The following FABP6 variants were observed in gnomAD, a reference collection of about 807,000 sequenced individuals.
FABP6 encodes the protein fatty acid binding protein 6.
FABP6 carries 13 observed loss-of-function variants against 14.9 expected under a neutral mutation model. The ratio of observed to expected loss-of-function variants is 0.87; its 90% CI spans 0.57 to 1.39. FABP6 has a LOEUF of 1.39. Ranked by LOEUF, FABP6 falls within the 40% of genes most tolerant of loss-of-function variation. The pLI is 0.00. For missense variants in FABP6, 161 were observed against 167.2 expected, an observed-to-expected ratio of 0.96 and a Z score of 0.20; for synonymous variants, 75 against 63.6, an observed-to-expected ratio of 1.18 and a Z score of -0.85.
chr5:160,211,545 G>A (rs1224416688), intron 2 of FABP6, among the ~76,000 whole-genome samples: 2 of 152,164 alleles, frequency 1.3e-5, no homozygotes, highest in South Asian at 2.1e-4. Context: ...GACAGAGCCT[G>A]TAACTGTCCA....
intron 1 of FABP6, chr5:160,199,000 A>T: frequency 9.1e-7 from 1 of 1,099,094 alleles, no homozygotes; most frequent in Non-Finnish European, 1.4e-6. Context: ...GAACAATGAG[A>T]TGGTCTCCAG....
At chr5:160,221,368 G>A (rs2113121598) in intron 3 of FABP6, among the ~76,000 whole-genome samples, 1 of 152,188 alleles carries the variant, frequency 6.6e-6, no homozygotes, top group Admixed American at 6.6e-5. Context: ...CGGGGGTGAA[G>A]GACAATTAGA....
At chr5:160,234,703 A>C in intron 2 of FABP6, 117 bp from the exon 3 acceptor site, 1 of 610,740 alleles carries the variant, frequency 1.6e-6, no homozygotes, top group East Asian at 3.6e-5. Context: ...CTGGGATTAT[A>C]GGCATAAGCC....
At chr5:160,219,219 G>C (rs980714042) in intron 3 of FABP6, among the ~76,000 whole-genome samples, 3 of 152,060 alleles carry the variant, frequency 2.0e-5, no homozygotes. Context: ...GGGTGCCCAG[G>C]GCTCCTCCTC....
At chr5:160,192,428 T>A (rs552093389) in intron 1 of FABP6, among the ~76,000 whole-genome samples, 2 of 152,332 alleles carry the variant, frequency 1.3e-5, no homozygotes, top group South Asian at 4.1e-4. Flanking sequence ...CAAGGTTAGC[T>A]CCATTCCTGC....
At chr5:160,227,858 G>A (rs1028911406), upstream of FABP6, among the ~76,000 whole-genome samples, 4 of 151,492 alleles carry the variant, frequency 2.6e-5, no homozygotes, top group African/African-American at 9.7e-5. Flanking sequence ...GTGTCTGTCT[G>A]TCTGTCTGTC....
chr5:160,207,203 G>A (rs190332604), intron 2 of FABP6, among the ~76,000 whole-genome samples: 3 of 152,294 alleles, frequency 2.0e-5, no homozygotes, highest in Admixed American at 2.0e-4. Flanking sequence ...TAGGGAAATG[G>A]GCAAGGGCCA....
chr5:160,193,519 C>T (rs6861318), intron 1 of FABP6, among the ~76,000 whole-genome samples: 34,232 of 151,944 alleles, frequency 0.23, 3,905 homozygotes, highest in South Asian at 0.25. Flanking sequence ...TTGGTAGAGC[C>T]GAGTGGCCTG....
chr5:160,232,804 G>A (rs1319456190), intron 2 of FABP6, among the ~76,000 whole-genome samples: 2 of 151,882 alleles, frequency 1.3e-5, no homozygotes, highest in South Asian at 2.1e-4. Context: ...GGCTGAGGCA[G>A]GGGAATCGCT....
intron 2 of FABP6, among the ~76,000 whole-genome samples, chr5:160,201,283 A>G (rs2113077185): frequency 6.6e-6 from 1 of 152,088 alleles, no homozygotes; most frequent in Non-Finnish European, 1.5e-5. Flanking sequence ...ACTTGTGTCC[A>G]GGAGGTCGAG....
chr5:160,190,779 G>A (rs1471676959), intron 1 of FABP6, among the ~76,000 whole-genome samples: 5 of 152,110 alleles, frequency 3.3e-5, no homozygotes, highest in Non-Finnish European at 7.3e-5. Context: ...GGGCTAGAGG[G>A]AAACCATAGA....
upstream of FABP6, among the ~76,000 whole-genome samples, chr5:160,228,847 G>A (rs948693833): frequency 6.6e-6 from 1 of 151,782 alleles, no homozygotes; most frequent in Non-Finnish European, 1.5e-5. Flanking sequence ...CTGTTCCCTC[G>A]TCCTAGAATA....
At chr5:160,230,843 G>A (rs945846336) in intron 1 of FABP6, among the ~76,000 whole-genome samples, 1 of 152,204 alleles carries the variant, frequency 6.6e-6, no homozygotes, top group Non-Finnish European at 1.5e-5. Context: ...GACCAGGTTT[G>A]ACAAGTCACT....
upstream of FABP6, among the ~76,000 whole-genome samples, chr5:160,225,885 AAT>A (rs1760233745): frequency 6.6e-6 from 1 of 152,170 alleles, no homozygotes; most frequent in Non-Finnish European, 1.5e-5. Flanking sequence ...GAGAGTAGAA[AAT>A]ATAAGGCCGG....
intron 3 of FABP6, among the ~76,000 whole-genome samples, chr5:160,224,492 T>C (rs1001160703): frequency 6.6e-6 from 1 of 151,956 alleles, no homozygotes; most frequent in African/African-American, 2.4e-5. Context: ...AAAGGAGGAG[T>C]AGCACATCTT....
At chr5:160,236,087 C>G (rs1760509123) in intron 3 of FABP6, among the ~76,000 whole-genome samples, 1 of 150,074 alleles carries the variant, frequency 6.7e-6, no homozygotes, top group South Asian at 2.1e-4. Context: ...ATGATCTTGG[C>G]TCACTGCAAC....
At chr5:160,224,015 T>A (rs1183471279) in intron 3 of FABP6, among the ~76,000 whole-genome samples, 3 of 151,180 alleles carry the variant, frequency 2.0e-5, no homozygotes, top group African/African-American at 7.3e-5. Context: ...GGCGGGCAGA[T>A]CACGAGGTCA....
intron 3 of FABP6, among the ~76,000 whole-genome samples, chr5:160,237,532 G>A (rs1383820028): frequency 6.6e-6 from 1 of 151,964 alleles, no homozygotes; most frequent in African/African-American, 2.4e-5. Flanking sequence ...CATTTTGTAA[G>A]CATCCCTCCT....
chr5:160,220,431 A>G (rs1013487622), intron 3 of FABP6, among the ~76,000 whole-genome samples: 4 of 151,956 alleles, frequency 2.6e-5, no homozygotes, highest in Non-Finnish European at 4.4e-5. Context: ...GTAACAAGTG[A>G]GGCCTCGTCT....
Sources: gnomAD v4.1 joint callset for allele counts (sites outside exome capture counted in the v4.1 genomes callset) on GRCh38, gnomAD v4.1.1 for gene constraint, MANE v1.5 for transcripts, NCBI Gene and HGNC (gene_info 2026-07-23, HGNC 2026-07-21) for gene names.